The following TCF3 variants were observed in gnomAD, a reference collection of about 807,000 sequenced individuals.
TCF3 encodes transcription factor 3.
Under a neutral mutation model 72.3 loss-of-function variants are expected in TCF3, and 54 were observed. That is an observed-to-expected ratio of 0.75 (90% confidence interval 0.60 to 0.94). The LOEUF is 0.94. Among genes scored for constraint, TCF3 ranks in the 40% least tolerant of loss-of-function variants. The pLI, the probability that TCF3 is intolerant of heterozygous loss-of-function variation, is 0.00. For missense variants in TCF3, 1,078 were observed against 934.4 expected, an observed-to-expected ratio of 1.15 and a Z score of -2.00; for synonymous variants, 525 against 412.6, an observed-to-expected ratio of 1.27 and a Z score of -3.30.
Position 1,619,772 on chromosome 19 carries a change from G to A in TCF3, c.1167+8C>T. On this transcript the variant is annotated splice_region_variant and intron_variant, in intron 14 of 18. Transcript: ENST00000262965. ...GGAAGGGTGGGGTGGGGCGGGGCAGGCACTCACCAGGCCGTGGAGACCCCC... is the reference window on the plus strand; with the variant it reads ...GGAAGGGTGGGGTGGGGCGGGGCAGACACTCACCAGGCCGTGGAGACCCCC... 6.5e-7 allele frequency: 1 copy of A among 1,550,068 alleles called. No homozygotes were observed.
chr19:1,617,397 C>T (rs530543747), intron 16 of TCF3, among the ~76,000 whole-genome samples: 12 of 152,372 alleles, frequency 7.9e-5, no homozygotes, highest in East Asian at 5.8e-4. Flanking sequence ...GCTAGTGGGA[C>T]GCCGTGTTCA....
intron 5 of TCF3, among the ~76,000 whole-genome samples, 184 bp from the exon 6 acceptor site, chr19:1,627,610 C>A (rs1374063557): frequency 6.6e-6 from 1 of 152,064 alleles, no homozygotes; most frequent in Non-Finnish European, 1.5e-5. Context: ...CCCCAGTATG[C>A]CCATCTCCCG....
chr19:1,619,904 T>C (rs1320525447), intron 13 of TCF3, 51 bp from the exon 14 acceptor site: 3 of 1,441,796 alleles, frequency 2.1e-6, no homozygotes, highest in East Asian at 2.5e-5. Flanking sequence ...GGTGTGAGCA[T>C]GGCCTGATGC....
chr19:1,623,370 C>T (rs1026106897), intron 8 of TCF3, among the ~76,000 whole-genome samples: 5 of 147,822 alleles, frequency 3.4e-5, no homozygotes, highest in African/African-American at 1.0e-4. Flanking sequence ...GCCCCAATTG[C>T]GGCACCCCCC....
intron 3 of TCF3, among the ~76,000 whole-genome samples, chr19:1,637,191 C>T (rs1568459229): frequency 6.6e-6 from 1 of 150,874 alleles, no homozygotes; most frequent in East Asian, 2.0e-4. Flanking sequence ...TCCCCCAGAA[C>T]CAGGGGCGCC....
chr19:1,627,387 C>T lies in TCF3; in HGVS notation c.338G>A (p.Arg113Lys). 1 of 1,611,854 alleles carries T rather than the reference C, an allele frequency of 6.2e-7. No homozygotes were observed. The highest frequency in any genetic ancestry group is 8.5e-7 in the Non-Finnish European group (1 of 1,179,682). Residue 113 changes from arginine to lysine, a missense_variant, in exon 6 of 19, where the codon AGA becomes AAA. Arg to Lys is a conservative substitution (Grantham distance 26). Coordinates refer to ENST00000262965, the MANE Select transcript of TCF3 (RefSeq NM_003200.5). ...AGTCAGGCCGCCCACGCCTGCGTCT[C>T]TCCCGAAGGAGGCATAGGCGCCCCG... The part of the protein sequence containing the change: ...GERGAYASFG[R>K]DAGVGGLTQA...
intron 18 of TCF3, among the ~76,000 whole-genome samples, chr19:1,613,746 G>A (rs2061272956): frequency 6.6e-6 from 1 of 152,008 alleles, no homozygotes; most frequent in Non-Finnish European, 1.5e-5. Flanking sequence ...CCTCAGAAAT[G>A]CACCCGTCCC....
chr19:1,630,989 C>G (rs1288870670), intron 5 of TCF3, among the ~76,000 whole-genome samples: 1 of 152,244 alleles, frequency 6.6e-6, no homozygotes, highest in Non-Finnish European at 1.5e-5. Context: ...TCAGCCCCAC[C>G]CAGCCGCAGA....
At chr19:1,637,713 T>C (rs1012004115) in intron 3 of TCF3, among the ~76,000 whole-genome samples, 1 of 152,140 alleles carries the variant, frequency 6.6e-6, no homozygotes, top group African/African-American at 2.4e-5. Flanking sequence ...ATCAAGACCA[T>C]GCTGGCCAAC....
chr19:1,629,915 G>A (rs934759116), intron 5 of TCF3, among the ~76,000 whole-genome samples: 9 of 152,072 alleles, frequency 5.9e-5, no homozygotes, highest in Admixed American at 1.3e-4. Context: ...TGACAGCCAC[G>A]ACCCACCCCA....
In TCF3 at chr19:1,610,369, C is replaced by T. The variant is rs2060897843; in HGVS notation, c.*1338G>A. 4.3e-5 allele frequency: 10 copies of T among 231,544 alleles called. No individual in the cohort carries two copies. The Admixed American group carries it at 5.6e-4, about 13-fold the overall frequency. The allele number at this position is 231,544 out of a possible 1,614,324, so 14.3% of individuals were successfully genotyped here. A position where few individuals can be genotyped will look rare whatever the true frequency, so the allele number is the denominator to read the frequency against. On this transcript the variant is annotated 3_prime_UTR_variant, in exon 19 of 19. Transcript: ENST00000262965. ...CAGCATTGGGGGAGGCTGGCCAGGC[C>T]CCTGGCATCCTGTCTACGTCACGAT... is the stretch of plus-strand genomic sequence containing the variant.
intron 11 of TCF3, among the ~76,000 whole-genome samples, chr19:1,621,429 G>C (rs1439434672): frequency 6.6e-6 from 1 of 152,184 alleles, no homozygotes; most frequent in African/African-American, 2.4e-5. Context: ...CTGGGTGGGT[G>C]AGTCCCCCTC....
intron 14 of TCF3, 144 bp from the exon 15 acceptor site, chr19:1,619,618 G>A (rs528389997): frequency 8.1e-5 from 108 of 1,332,114 alleles, no homozygotes; most frequent in Non-Finnish European, 1.1e-4. Flanking sequence ...TCTGGCGCCC[G>A]GGAGCACACA....
In TCF3 at chr19:1,646,345, G is replaced by A. The variant is rs1027604716; in HGVS notation, c.145+10C>T. 34 of 1,550,006 alleles carry A rather than the reference G, an allele frequency of 2.2e-5. No homozygotes were observed. The highest frequency in any genetic ancestry group is 1.5e-4 in the East Asian group (6 of 40,920). Reference sequence around the variant, plus strand: ...ACTCCACGAGCGCTGGCAGGAAGGCGGGGTCCTACCTGAACCTCCGAACTG... The same window carrying A: ...ACTCCACGAGCGCTGGCAGGAAGGCAGGGTCCTACCTGAACCTCCGAACTG... On this transcript the variant is annotated intron_variant, in intron 3 of 18. Transcript: ENST00000262965.
chr19:1,622,012 G>T lies in TCF3; in HGVS notation c.822+42C>A, dbSNP rs1437348352. The T allele has an allele frequency of 3.1e-6, 5 of 1,594,022 alleles. No homozygotes were observed. In the South Asian group the frequency reaches 5.7e-5, roughly 18 times the overall value. ...GAGGAGGGTGGGTTAGATGGGCACT[G>T]CCACCCTCCGCCCACCCCCTGCCCC... On this transcript the variant is annotated intron_variant, in intron 10 of 18. Transcript: ENST00000262965.
Position 1,614,969 on chromosome 19 carries a change from C to T in TCF3, c.1822+316G>A, listed in dbSNP as rs1360126028. ...GCTTCCCAAGAAAGGAGGACCACGG[C>T]GAGTGGGAGCCCCGTGGAGCTGGGA... On this transcript the variant is annotated intron_variant, in intron 18 of 18. Coordinates refer to ENST00000262965, the MANE Select transcript of TCF3 (RefSeq NM_003200.5). This position sits in a 1 kb window ranked among gnomAD's most constrained non-coding sequence, Gnocchi z 5.6. 2.0e-5 allele frequency among the ~76,000 whole-genome samples: 3 copies of T among 152,060 alleles called. No homozygotes were observed. The highest frequency in any genetic ancestry group is 2.9e-5 in the Non-Finnish European group (2 of 68,000).
intron 3 of TCF3, among the ~76,000 whole-genome samples, chr19:1,634,963 G>A (rs2064197728): frequency 6.6e-6 from 1 of 152,198 alleles, no homozygotes; most frequent in Non-Finnish European, 1.5e-5. Flanking sequence ...GAGAAGGCTG[G>A]CTGACCTTGA....
intron 11 of TCF3, among the ~76,000 whole-genome samples, 154 bp downstream of exon 11, chr19:1,621,684 T>C (rs567848971): frequency 3.3e-5 from 5 of 152,174 alleles, no homozygotes; most frequent in African/African-American, 1.2e-4. Context: ...TGGCAGGCCC[T>C]GCAGACAGCG....
intron 3 of TCF3, among the ~76,000 whole-genome samples, chr19:1,646,106 C>T (rs1215331187): frequency 1.3e-5 from 2 of 152,152 alleles, no homozygotes; most frequent in Admixed American, 6.5e-5. Flanking sequence ...AGCCCCCAGA[C>T]CCAGGCTCCA....
Sources: allele counts gnomAD v4.1 joint callset (sites outside exome capture counted in the v4.1 genomes callset), GRCh38; gene constraint gnomAD v4.1.1; non-coding constraint Gnocchi (gnomAD v3.1); transcripts MANE v1.5; gene names NCBI Gene and HGNC (gene_info 2026-07-23, HGNC 2026-07-21).